ITGA11: variants seen among roughly 807,000 people sequenced by gnomAD.
ITGA11 encodes integrin alpha-11.
ITGA11 carries 97 observed loss-of-function variants against 141.9 expected under a neutral mutation model. The observed-to-expected ratio is 0.68, with a 90% CI of 0.58 to 0.81. ITGA11 has a LOEUF of 0.81. Among genes scored for constraint, ITGA11 ranks in the 30% least tolerant of loss-of-function variants. The pLI, the probability that ITGA11 is intolerant of heterozygous loss-of-function variation, is 0.00. For synonymous variants in ITGA11, 658 were observed against 624.6 expected, an observed-to-expected ratio of 1.05 and a Z score of -0.80; for missense variants, 1,387 against 1,559.2, an observed-to-expected ratio of 0.89 and a Z score of 1.86.
At position 68,305,801 on chromosome 15, in the gene ITGA11, C is replaced by T. The variant is rs781678867; in HGVS notation, c.3381+1547G>A. Among the ~76,000 whole-genome samples, 18 of 152,152 alleles carry T rather than the reference C, an allele frequency of 1.2e-4. No individual in the cohort carries two copies. Among genetic ancestry groups the T allele is most frequent in the South Asian group, 2.1e-4 (1 of 4,824 alleles). ...TGTGTGCTCTTTCTGTCCCTCAAGG[C>T]GGGCACCTGGCTCTGCCTCCCCAGC... On this transcript the variant is annotated intron_variant, in intron 28 of 29. Transcript: ENST00000315757. The surrounding 1 kb of genome is among the most constrained non-coding windows in gnomAD (Gnocchi z 4.6).
At chr15:68,330,571 A>G (rs1055168261) in intron 15 of ITGA11, among the ~76,000 whole-genome samples, 1 of 152,120 alleles carries the variant, frequency 6.6e-6, no homozygotes, top group African/African-American at 2.4e-5. Context: ...GCCCTGAAGA[A>G]AGGAAGCAAG....
intron 2 of ITGA11, among the ~76,000 whole-genome samples, chr15:68,371,140 AGG>A (rs1288161634): frequency 1.3e-5 from 2 of 152,106 alleles, no homozygotes; most frequent in African/African-American, 4.8e-5. Context: ...TGTCTAGACG[AGG>A]TGATTTTTGG....
chr15:68,398,459 A>T (rs1374280768), intron 2 of ITGA11, among the ~76,000 whole-genome samples: 1 of 150,882 alleles, frequency 6.6e-6, no homozygotes, highest in Non-Finnish European at 1.5e-5. Context: ...TAACTATCCT[A>T]AATATATATG....
rs752601226 is a variant in ITGA11 at position 68,335,876 on chromosome 15, G to A, written c.1277-31C>T. 1.9e-6 allele frequency: 3 copies of A among 1,603,948 alleles called. No individual in the cohort carries two copies. The Admixed American group carries it at 5.1e-5, about 27-fold the overall frequency. On this transcript the variant is annotated intron_variant, in intron 11 of 29. Transcript: ENST00000315757. This position sits in a 1 kb window ranked among gnomAD's most constrained non-coding sequence, Gnocchi z 4.9. ...ACAGGAGGAAACAGGCTGATCTTTG[G>A]CACCGTGTCCTCAGCAGGCGTTGCT...
chr15:68,329,675 A>G (rs1054154386), intron 15 of ITGA11, among the ~76,000 whole-genome samples: 2 of 152,206 alleles, frequency 1.3e-5, no homozygotes. Flanking sequence ...GGCCTTGGTC[A>G]TCTGCCATGC....
chr15:68,401,770 A>G (rs1030704810), intron 2 of ITGA11, among the ~76,000 whole-genome samples: 1 of 152,186 alleles, frequency 6.6e-6, no homozygotes, highest in Admixed American at 6.5e-5. Context: ...AGGTGATTAC[A>G]TAGGTGTATA....
At chr15:68,376,522 T>C (rs894768202) in intron 2 of ITGA11, among the ~76,000 whole-genome samples, 2 of 152,254 alleles carry the variant, frequency 1.3e-5, no homozygotes, top group Non-Finnish European at 2.9e-5. Flanking sequence ...GAACAGCATC[T>C]GGCACAGAGT....
Position 68,351,416 on chromosome 15 carries a change from A to G in ITGA11, c.750-14T>C, listed in dbSNP as rs1894908736. 1 of 1,613,150 alleles carries G rather than the reference A, an allele frequency of 6.2e-7. No individual in the cohort carries two copies. The highest frequency in any genetic ancestry group is 8.5e-7 in the Non-Finnish European group (1 of 1,179,712). On this transcript the variant is annotated splice_polypyrimidine_tract_variant and intron_variant, in intron 7 of 29. Coordinates refer to ENST00000315757, the MANE Select transcript of ITGA11 (RefSeq NM_001004439.2). ...AAAGCCTCTGAGCTGGAAGCCAAGC[A>G]CAGGGGCAGGGTCATGAAAGGTAAG... is the stretch of plus-strand genomic sequence containing the variant.
chr15:68,381,374 C>G (rs945097008), intron 2 of ITGA11, among the ~76,000 whole-genome samples: 1 of 152,056 alleles, frequency 6.6e-6, no homozygotes, highest in Non-Finnish European at 1.5e-5. Context: ...GACAGGATGC[C>G]CAACCAAGAA....
intron 2 of ITGA11, among the ~76,000 whole-genome samples, chr15:68,397,826 T>C (rs935891484): frequency 7.0e-6 from 1 of 143,286 alleles, no homozygotes; most frequent in Non-Finnish European, 1.5e-5. Flanking sequence ...TATATTATTA[T>C]ATAAATATTA....
chr15:68,350,833 T>C, intron 8 of ITGA11, 51 bp from the exon 9 acceptor site: 1 of 1,566,582 alleles, frequency 6.4e-7, no homozygotes, highest in Non-Finnish European at 8.7e-7. Context: ...GCACAGACTT[T>C]CCCATACACC....
intron 1 of ITGA11, among the ~76,000 whole-genome samples, chr15:68,412,671 T>TG (rs1006431993): frequency 7.6e-6 from 1 of 130,736 alleles, no homozygotes; most frequent in African/African-American, 2.8e-5. Flanking sequence ...TTATTCGCTT[T>TG]TTTTTTTTTT....
At position 68,329,833 on chromosome 15, in the gene ITGA11, C is replaced by T. The variant is rs79692454; in HGVS notation, c.1901+1148G>A. ...CGAAGAGACAGACCCTGCTCCTGTACACTAGCTGGGCTGCACACGCACAGG... is the reference window on the plus strand; with the variant it reads ...CGAAGAGACAGACCCTGCTCCTGTATACTAGCTGGGCTGCACACGCACAGG... On this transcript the variant is annotated intron_variant, in intron 15 of 29. Transcript: ENST00000315757. Among the ~76,000 whole-genome samples the T allele has an allele frequency of 4.6e-3, 702 of 152,320 alleles. 5 individuals carry two copies. Among genetic ancestry groups the T allele is most frequent in the African/African-American group, 0.016 (661 of 41,564 alleles).
rs1429900608 is a variant in ITGA11, at chr15:68,328,074, A to G, written c.2068+22T>C. 1 of 1,604,584 alleles carries G rather than the reference A, an allele frequency of 6.2e-7. No homozygotes were observed. The highest frequency in any genetic ancestry group is 1.3e-5 in the African/African-American group (1 of 74,770). ...GGGAGACTGGAGTCTGGGGGTGGGG[A>G]GAAAGGAGGGGCCTGCTTTACCAAC... On this transcript the variant is annotated intron_variant, in intron 16 of 29. Coordinates refer to ENST00000315757, the MANE Select transcript of ITGA11 (RefSeq NM_001004439.2). This position sits in a 1 kb window ranked among gnomAD's most constrained non-coding sequence, Gnocchi z 4.8.
In ITGA11 at chr15:68,365,396, C is replaced by A. The variant is rs145005808; in HGVS notation, c.266-598G>T. On this transcript the variant is annotated intron_variant, in intron 3 of 29. Coordinates refer to ENST00000315757, the MANE Select transcript of ITGA11 (RefSeq NM_001004439.2). ...GGCTGCCAAGAGAGGTGCTTAGGAG[C>A]TGGGTTATCAGCCTGCTGGGAATAG... 102 of 944,634 alleles carry A rather than the reference C, an allele frequency of 1.1e-4. No homozygotes were observed. In the African/African-American group the frequency reaches 1.6e-3, roughly 15 times the overall value. 58.5% of individuals were successfully genotyped at this position (944,634 alleles called of 1,614,324 possible).
In ITGA11 at chr15:68,313,850, G is replaced by C; in HGVS notation, c.2811C>G (p.Asp937Glu). Residue 937 changes from aspartate (D) to glutamate (E), a missense_variant, in exon 23 of 30, where the codon GAC becomes GAG. Physicochemically the swap from Asp to Glu is conservative, Grantham distance 45 (BLOSUM62 2). Transcript: ENST00000315757. ...GGGCCACGTTGTCTTCCTTGGTGCT[G>C]TCCCGCTCATTACTGTCACTGCAAG... ...LAAGSDSNER[D>E]STKEDNVAPL... The C allele has an allele frequency of 6.2e-7, 1 of 1,613,900 alleles. No homozygotes were observed. The highest frequency in any genetic ancestry group is 1.7e-4 in the Middle Eastern group (1 of 6,060).
intron 1 of ITGA11, among the ~76,000 whole-genome samples, chr15:68,405,238 C>A (rs28620930): frequency 0.022 from 2,825 of 128,004 alleles, 42 homozygotes; most frequent in Middle Eastern, 0.073. Flanking sequence ...TTAAAGTCCC[C>A]AGAGTAAAAC....
Position 68,427,136 on chromosome 15 carries a change from GAAA to G in ITGA11, c.52+4876_52+4878del, listed in dbSNP as rs1897162548. On this transcript the variant is annotated intron_variant, in intron 1 of 29. Coordinates refer to ENST00000315757, the MANE Select transcript of ITGA11 (RefSeq NM_001004439.2). ...CTTTTAACTTCCTATGTGTAACCTGGAAATGGCAGAATTGTAGCAGTGACTTTG... is the reference window on the plus strand; with the variant it reads ...CTTTTAACTTCCTATGTGTAACCTGGTGGCAGAATTGTAGCAGTGACTTTG... Among the ~76,000 whole-genome samples the G allele has an allele frequency of 5.9e-5, 9 of 151,582 alleles. No homozygotes were observed. The South Asian group carries it at 1.9e-3, about 32-fold the overall frequency.
chr15:68,350,850 C>G (rs1433730928), intron 8 of ITGA11, 68 bp from the exon 9 acceptor site: 22 of 1,512,018 alleles, frequency 1.5e-5, no homozygotes, highest in Non-Finnish European at 1.9e-5. Context: ...CACCACACGG[C>G]CTAGACCCTG....
Sources: gnomAD v4.1 joint callset for allele counts (sites outside exome capture counted in the v4.1 genomes callset) on GRCh38, gnomAD v4.1.1 for gene constraint, Gnocchi (gnomAD v3.1) non-coding constraint, MANE v1.5 for transcripts, NCBI Gene and HGNC (gene_info 2026-07-23, HGNC 2026-07-21) for gene names.